The following THSD4 variants were observed in gnomAD, a reference collection of about 807,000 sequenced individuals.
THSD4 encodes the protein thrombospondin type-1 domain-containing protein 4.
In THSD4, 69 loss-of-function variants were observed where a neutral mutation model predicts 119.0. The observed-to-expected ratio is 0.58, with a 90% CI of 0.48 to 0.71. THSD4 has a LOEUF of 0.71. THSD4 is among the 30% of genes least tolerant of loss of function. THSD4 has a pLI of 0.00. For synonymous variants in THSD4, 524 were observed against 540.4 expected, an observed-to-expected ratio of 0.97 and a Z score of 0.42; for missense variants, 1,393 against 1,391.1, an observed-to-expected ratio of 1.00 and a Z score of -0.02.
chr15:71,337,419 A>G (rs1234388512), intron 6 of THSD4, among the ~76,000 whole-genome samples: 15 of 152,268 alleles, frequency 9.9e-5, no homozygotes, highest in Non-Finnish European at 1.5e-5. Flanking sequence ...CTCCTTACTC[A>G]GTGTTTCAGC....
In THSD4 at chr15:71,154,460, G is replaced by A. The variant is rs187233112; in HGVS notation, c.30-403G>A. Among the ~76,000 whole-genome samples the A allele has an allele frequency of 1.1e-4, 16 of 152,322 alleles. No homozygotes were observed. In the East Asian group the frequency reaches 2.9e-3, roughly 28 times the overall value. On this transcript the variant is annotated intron_variant, in intron 2 of 17. Transcript: ENST00000261862. Reference sequence around the variant, plus strand: ...GCTTTTCCCTGACCTTACCACCCGTGAAGGACCGCATGTGGGCTACACTAG... The same window carrying A: ...GCTTTTCCCTGACCTTACCACCCGTAAAGGACCGCATGTGGGCTACACTAG...
Position 71,763,568 on chromosome 15 carries a change from A to T in THSD4, c.2590-1452A>T, listed in dbSNP as rs1337435581. Among the ~76,000 whole-genome samples, 5 of 108,528 alleles carry T rather than the reference A, an allele frequency of 4.6e-5. No individual in the cohort carries two copies. In the African/African-American group the frequency reaches 4.7e-4, roughly 10 times the overall value. 71.2% of individuals were successfully genotyped at this position (108,528 alleles called of 152,430 possible). On this transcript the variant is annotated intron_variant, in intron 15 of 17. Transcript: ENST00000261862. The stretch of plus-strand genomic sequence containing the variant: ...TCTAAAAACAAATTTTTTTTTTTTT[A>T]AACAGAGTCTTGCTCGTCACCCAGG...
At chr15:71,508,590 C>T (rs2048229829) in intron 7 of THSD4, among the ~76,000 whole-genome samples, 2 of 152,230 alleles carry the variant, frequency 1.3e-5, no homozygotes, top group South Asian at 4.2e-4. Flanking sequence ...TGTGGGAGGT[C>T]ATTGAACCTG....
intron 7 of THSD4, among the ~76,000 whole-genome samples, chr15:71,639,515 C>T (rs1185534936): frequency 6.6e-6 from 1 of 152,078 alleles, no homozygotes; most frequent in East Asian, 1.9e-4. Context: ...CAGTTGTAGT[C>T]GTAAGAATTT....
At chr15:71,704,711 G>C (rs2052361207) in intron 8 of THSD4, among the ~76,000 whole-genome samples, 1 of 152,176 alleles carries the variant, frequency 6.6e-6, no homozygotes, top group Non-Finnish European at 1.5e-5. Context: ...CAGGCACTTG[G>C]TCCTGGACAT....
chr15:71,351,486 A>G (rs1008358949), intron 6 of THSD4, among the ~76,000 whole-genome samples: 3 of 152,166 alleles, frequency 2.0e-5, no homozygotes, highest in African/African-American at 7.2e-5. Context: ...CAAATTATGG[A>G]TTTCATCAGG....
chr15:71,497,060 C>T (rs768371117), intron 7 of THSD4, among the ~76,000 whole-genome samples: 40 of 152,188 alleles, frequency 2.6e-4, no homozygotes, highest in Non-Finnish European at 2.5e-4. Flanking sequence ...TGCATTCCAA[C>T]CACCAAAGAG....
intron 6 of THSD4, among the ~76,000 whole-genome samples, chr15:71,388,730 A>G (rs532120551): frequency 6.6e-6 from 1 of 151,590 alleles, no homozygotes; most frequent in Non-Finnish European, 1.5e-5. Flanking sequence ...GTATGGACTC[A>G]GGCATATTGA....
At chr15:71,293,123 C>T (rs2044815555) in intron 6 of THSD4, among the ~76,000 whole-genome samples, 1 of 152,214 alleles carries the variant, frequency 6.6e-6, no homozygotes, top group Non-Finnish European at 1.5e-5. Flanking sequence ...CCATATTGGA[C>T]AGGTCGAAAG....
rs2053389568 is a variant in THSD4, at chr15:71,748,736, C to T, written c.2415+142C>T. The T allele has an allele frequency of 5.5e-5, 58 of 1,059,056 alleles. No homozygotes were observed. The South Asian group carries it at 7.4e-4, about 14-fold the overall frequency. 65.6% of individuals were successfully genotyped at this position (1,059,056 alleles called of 1,614,324 possible). ...AAAAAAAGGCCCAGAGAGGAATTATCGTAGGCTTTCTATCCTTATGTGAGG... is the reference window on the plus strand; with the variant it reads ...AAAAAAAGGCCCAGAGAGGAATTATTGTAGGCTTTCTATCCTTATGTGAGG... On this transcript the variant is annotated intron_variant, in intron 14 of 17. Coordinates refer to ENST00000261862, the MANE Select transcript of THSD4 (RefSeq NM_024817.3).
chr15:71,444,886 A>C (rs1376418645), intron 7 of THSD4, among the ~76,000 whole-genome samples: 1 of 152,120 alleles, frequency 6.6e-6, no homozygotes, highest in Non-Finnish European at 1.5e-5. Flanking sequence ...TAAAATATAA[A>C]TTATTCCCCT....
chr15:71,513,753 G>A lies in THSD4; in HGVS notation c.1152+101930G>A, dbSNP rs371745873. On this transcript the variant is annotated intron_variant, in intron 7 of 17. Transcript: ENST00000261862. Reference sequence around the variant, plus strand: ...ATGAATATTATTAGCAGCTCTATTCGTAGTAGCTCAAAACTGGAAACAACG... The same window carrying A: ...ATGAATATTATTAGCAGCTCTATTCATAGTAGCTCAAAACTGGAAACAACG... Among the ~76,000 whole-genome samples, 25 of 152,222 alleles carry A rather than the reference G, an allele frequency of 1.6e-4. 1 individual carries two copies. Among genetic ancestry groups the A allele is most frequent in the African/African-American group, 3.4e-4 (14 of 41,534 alleles).
At chr15:71,652,599 T>C (rs922304204) in intron 7 of THSD4, among the ~76,000 whole-genome samples, 2 of 152,192 alleles carry the variant, frequency 1.3e-5, no homozygotes, top group African/African-American at 2.4e-5. Context: ...GAGGTGGTAA[T>C]TATCTTACAG....
intron 6 of THSD4, among the ~76,000 whole-genome samples, chr15:71,340,448 C>G (rs2045551050): frequency 6.6e-6 from 1 of 152,136 alleles, no homozygotes. Context: ...AAACCAAATC[C>G]ATGAGGGATG....
chr15:71,180,663 A>G (rs2043511264), intron 3 of THSD4, among the ~76,000 whole-genome samples: 1 of 152,244 alleles, frequency 6.6e-6, no homozygotes, highest in African/African-American at 2.4e-5. Flanking sequence ...ATAAGAAGCC[A>G]GATGTAAAAG....
At chr15:71,436,218 T>C (rs1424126226) in intron 7 of THSD4, among the ~76,000 whole-genome samples, 1 of 152,038 alleles carries the variant, frequency 6.6e-6, no homozygotes, top group East Asian at 1.9e-4. Flanking sequence ...CTTATAGGGG[T>C]TTTAGGCCTA....
chr15:71,670,949 C>T (rs567559970), intron 8 of THSD4, among the ~76,000 whole-genome samples: 7 of 152,160 alleles, frequency 4.6e-5, no homozygotes, highest in Admixed American at 2.0e-4. Flanking sequence ...TGAATAGTGC[C>T]GCAATAAACA....
intron 8 of THSD4, among the ~76,000 whole-genome samples, chr15:71,723,188 T>G (rs377548312): frequency 1.6e-4 from 25 of 152,206 alleles, no homozygotes; most frequent in African/African-American, 5.5e-4. Context: ...AGTTTTTGGG[T>G]CAGGGTGTAT....
At chr15:71,760,107 A>G (rs2053605427) in intron 15 of THSD4, among the ~76,000 whole-genome samples, 1 of 152,222 alleles carries the variant, frequency 6.6e-6, no homozygotes, top group African/African-American at 2.4e-5. Context: ...ATATGGGTTG[A>G]ATGAAAGTTG....
Sources: allele counts gnomAD v4.1 joint callset (sites outside exome capture counted in the v4.1 genomes callset), GRCh38; gene constraint gnomAD v4.1.1; transcripts MANE v1.5; gene names NCBI Gene and HGNC (gene_info 2026-07-23, HGNC 2026-07-21).